The following RAP1GAP2 variants were observed in gnomAD, a reference collection of about 807,000 sequenced individuals.
RAP1GAP2 encodes the protein RAP1 GTPase activating protein 2.
In RAP1GAP2, 27 loss-of-function variants were observed where a neutral mutation model predicts 95.0. The ratio of observed to expected loss-of-function variants is 0.28; its 90% CI spans 0.21 to 0.39. RAP1GAP2 has a LOEUF of 0.39. RAP1GAP2 is among the 10% of genes least tolerant of loss of function. RAP1GAP2 has a pLI of 1.00. For synonymous variants in RAP1GAP2, 373 were observed against 380.9 expected (o/e 0.98, Z 0.24); for missense variants, 771 against 970.0 (o/e 0.79, Z 2.72).
intron 2 of RAP1GAP2, among the ~76,000 whole-genome samples, chr17:2,830,643 G>A (rs1201129420): frequency 6.6e-6 from 1 of 151,908 alleles, no homozygotes; most frequent in Non-Finnish European, 1.5e-5. Context: ...GAACCTGGGA[G>A]GCGGAAGTTG....
intron 2 of RAP1GAP2, among the ~76,000 whole-genome samples, chr17:2,841,215 A>G (rs1341753675): frequency 6.6e-6 from 1 of 152,188 alleles, no homozygotes; most frequent in Non-Finnish European, 1.5e-5. Context: ...TTTATAAAAC[A>G]TGAAGTCTTT....
intron 2 of RAP1GAP2, among the ~76,000 whole-genome samples, chr17:2,851,914 T>G (rs2071866341): frequency 6.6e-6 from 1 of 152,178 alleles, no homozygotes; most frequent in Non-Finnish European, 1.5e-5. Context: ...TCCCACACTC[T>G]CACCTGCTGG....
chr17:2,788,753 G>T (rs114684716), intron 1 of RAP1GAP2, among the ~76,000 whole-genome samples: 1,657 of 152,254 alleles, frequency 0.011, 27 homozygotes, highest in African/African-American at 0.038. Flanking sequence ...GGAGAAGGCG[G>T]GTTCTCAGCT....
rs1465036629 is a variant in RAP1GAP2 at position 2,906,232 on chromosome 17, C to T, written c.165+864C>T. 6.6e-6 allele frequency among the ~76,000 whole-genome samples: 1 copy of T among 152,160 alleles called. No homozygotes were observed. The highest frequency in any genetic ancestry group is 2.4e-5 in the African/African-American group (1 of 41,442). ...TCCTGGGGCTGTGCTCTGAGTGGCT[C>T]ACAGGGAGATCATCAGGCATCTCTT... On this transcript the variant is annotated intron_variant, in intron 3 of 24. Transcript: ENST00000254695. This position sits in a 1 kb window ranked among gnomAD's most constrained non-coding sequence, Gnocchi z 4.3.
chr17:2,757,341 C>T (rs886412610), intron 1 of RAP1GAP2, among the ~76,000 whole-genome samples: 7 of 152,046 alleles, frequency 4.6e-5, no homozygotes, highest in Admixed American at 1.3e-4. Context: ...TAGCTAGTCT[C>T]GAACTCCTGG....
intron 2 of RAP1GAP2, among the ~76,000 whole-genome samples, chr17:2,823,035 C>T (rs1440489846): frequency 1.3e-5 from 2 of 152,154 alleles, no homozygotes; most frequent in Non-Finnish European, 1.5e-5. Flanking sequence ...GGGTGAGGCA[C>T]AGCCCTGTGG....
At chr17:2,985,614 C>T (rs1010234650) in intron 11 of RAP1GAP2, among the ~76,000 whole-genome samples, 3 of 152,194 alleles carry the variant, frequency 2.0e-5, no homozygotes, top group Non-Finnish European at 4.4e-5. Flanking sequence ...GCCAGTGACT[C>T]AAAATATGCC....
chr17:2,965,600 T>C lies in RAP1GAP2; in HGVS notation c.553T>C (p.Cys185Arg). 1 of 1,612,732 alleles carries C rather than the reference T, an allele frequency of 6.2e-7. No homozygotes were observed. Among genetic ancestry groups the C allele is most frequent in the Non-Finnish European group, 8.5e-7 (1 of 1,179,538 alleles). Residue 185 changes from cysteine to arginine, a missense_variant, in exon 8 of 25, where the codon TGC becomes CGC. Transcript: ENST00000254695. The surrounding 1 kb of genome is among the most constrained non-coding windows in gnomAD (Gnocchi z 4.7). Reference sequence around the variant, plus strand: ...GGGGAACTTGATCCTGTCCGTCAAGTGCGAGGAAGCAGAGGGGATCGAGTA... The same window carrying C: ...GGGGAACTTGATCCTGTCCGTCAAGCGCGAGGAAGCAGAGGGGATCGAGTA... ...SLGNLILSVK[C>R]EEAEGIEYLR...
At chr17:2,868,103 C>A (rs1168071198) in intron 2 of RAP1GAP2, among the ~76,000 whole-genome samples, 3 of 152,186 alleles carry the variant, frequency 2.0e-5, no homozygotes, top group Non-Finnish European at 4.4e-5. Flanking sequence ...GTGTCCCCTT[C>A]CTGTTTTGCT....
Position 2,963,520 on chromosome 17 carries a change from G to A in RAP1GAP2, c.279+58G>A. On this transcript the variant is annotated intron_variant, in intron 6 of 24. Transcript: ENST00000254695. This position sits in a 1 kb window ranked among gnomAD's most constrained non-coding sequence, Gnocchi z 4.8. Reference sequence around the variant, plus strand: ...GCAGCCTGCTCTGGGTCCCGTCCCTGGGGAAATGATGGCGATGGCCTGTGC... The same window carrying A: ...GCAGCCTGCTCTGGGTCCCGTCCCTAGGGAAATGATGGCGATGGCCTGTGC... 2.5e-6 allele frequency: 4 copies of A among 1,607,370 alleles called. No individual in the cohort carries two copies. The highest frequency in any genetic ancestry group is 1.3e-5 in the African/African-American group (1 of 74,894).
At chr17:2,843,589 A>T (rs756820967) in intron 2 of RAP1GAP2, among the ~76,000 whole-genome samples, 7 of 144,254 alleles carry the variant, frequency 4.9e-5, no homozygotes, top group Non-Finnish European at 7.6e-5. Context: ...GCCCGGCCCA[A>T]TTTCCCCATT....
At chr17:2,994,171 C>G (rs1345552044) in intron 12 of RAP1GAP2, among the ~76,000 whole-genome samples, 1 of 152,116 alleles carries the variant, frequency 6.6e-6, no homozygotes, top group East Asian at 1.9e-4. Context: ...ATGAATTGTC[C>G]ACGATCACGT....
intron 16 of RAP1GAP2, among the ~76,000 whole-genome samples, chr17:3,006,780 TTCCC>T (rs2046354546): frequency 6.6e-6 from 1 of 152,150 alleles, no homozygotes; most frequent in Admixed American, 6.5e-5. Context: ...CCCTATTCTG[TTCCC>T]TGGGATATGG....
At chr17:2,986,953 A>G (rs901857190) in intron 11 of RAP1GAP2, among the ~76,000 whole-genome samples, 3 of 152,204 alleles carry the variant, frequency 2.0e-5, no homozygotes, top group African/African-American at 7.2e-5. Flanking sequence ...TGACGCCTTC[A>G]TGGCATGCTA....
At chr17:2,951,760 G>A (rs918988755) in intron 3 of RAP1GAP2, among the ~76,000 whole-genome samples, 4 of 152,046 alleles carry the variant, frequency 2.6e-5, no homozygotes, top group African/African-American at 7.2e-5. Context: ...TAGGCTGGGC[G>A]CAGTGGCTCA....
At chr17:2,844,735 G>T (rs542001257) in intron 2 of RAP1GAP2, among the ~76,000 whole-genome samples, 15 of 152,156 alleles carry the variant, frequency 9.9e-5, no homozygotes, top group Admixed American at 2.6e-4. Context: ...CTTCTGTCAC[G>T]AAGGAAACTG....
intron 2 of RAP1GAP2, among the ~76,000 whole-genome samples, chr17:2,890,753 T>C (rs542208294): frequency 6.6e-5 from 10 of 151,784 alleles, no homozygotes; most frequent in Admixed American, 5.3e-4. Flanking sequence ...GGCGCAATCT[T>C]GGCTCACTGC....
At chr17:3,032,323 T>C (rs1365218584) in intron 23 of RAP1GAP2, 88 bp from the exon 24 acceptor site, 11 of 1,477,198 alleles carry the variant, frequency 7.4e-6, no homozygotes, top group Non-Finnish European at 8.5e-6. Flanking sequence ...CTCACCAGAC[T>C]GTTGAGAGCT....
chr17:2,766,967 C>T (rs997383899), intron 1 of RAP1GAP2, among the ~76,000 whole-genome samples: 1 of 151,694 alleles, frequency 6.6e-6, no homozygotes, highest in African/African-American at 2.4e-5. Context: ...TGGGCAACAT[C>T]AGGGCAGCTG....
Sources: gnomAD v4.1 joint callset for allele counts (sites outside exome capture counted in the v4.1 genomes callset) on GRCh38, gnomAD v4.1.1 for gene constraint, Gnocchi (gnomAD v3.1) non-coding constraint, MANE v1.5 for transcripts, NCBI Gene and HGNC (gene_info 2026-07-23, HGNC 2026-07-21) for gene names.